The following NPFFR2 variants were observed in gnomAD, a reference collection of about 807,000 sequenced individuals.
The protein encoded by NPFFR2 is G-protein coupled receptor 74.
NPFFR2 carries 15 observed loss-of-function variants against 13.1 expected under a neutral mutation model. The ratio of observed to expected loss-of-function variants is 1.15; its 90% CI spans 0.77 to 1.76. The LOEUF (loss-of-function observed/expected upper bound fraction) is 1.76, where lower values mean the gene tolerates loss of function less well. NPFFR2 is among the 40% of genes most tolerant of loss of function. NPFFR2 has a pLI of 0.00. For synonymous variants in NPFFR2, 190 were observed against 175.7 expected, an observed-to-expected ratio of 1.08 and a Z score of -0.65; for missense variants, 572 against 503.5, an observed-to-expected ratio of 1.14 and a Z score of -1.30.
intron 1 of NPFFR2, among the ~76,000 whole-genome samples, chr4:72,079,077 C>T (rs1193913611): frequency 6.9e-6 from 1 of 144,860 alleles, no homozygotes; most frequent in Non-Finnish European, 1.5e-5. Context: ...CACACACACA[C>T]ACACACACAC....
chr4:72,134,315 A>G lies in NPFFR2; in HGVS notation c.329-3725A>G, dbSNP rs954133135. Among the ~76,000 whole-genome samples the G allele has an allele frequency of 5.3e-5, 8 of 152,294 alleles. No individual in the cohort carries two copies. The East Asian group carries it at 1.4e-3, about 26-fold the overall frequency. ...TCTTTAGCTCTTTGTTTGCCTTCTCAGGAGGCAGCCACCTTCAGCAATTTT... is the reference window on the plus strand; with the variant it reads ...TCTTTAGCTCTTTGTTTGCCTTCTCGGGAGGCAGCCACCTTCAGCAATTTT... On this transcript the variant is annotated intron_variant, in intron 2 of 3. Transcript: ENST00000308744.
At chr4:72,081,488 A>AT (rs757652179) in intron 1 of NPFFR2, among the ~76,000 whole-genome samples, 830 of 81,192 alleles carry the variant, frequency 0.01, 7 homozygotes, top group African/African-American at 0.028. Flanking sequence ...TGATTTAAGA[A>AT]TTGTTTTTTT....
chr4:72,039,641 C>G (rs1719150020), intron 1 of NPFFR2, among the ~76,000 whole-genome samples: 1 of 152,126 alleles, frequency 6.6e-6, no homozygotes, highest in Non-Finnish European at 1.5e-5. Context: ...TAATAAGAAA[C>G]AAATTCAACC....
At chr4:72,124,039 T>C (rs1721968038) in intron 1 of NPFFR2, among the ~76,000 whole-genome samples, 1 of 152,220 alleles carries the variant, frequency 6.6e-6, no homozygotes, top group Non-Finnish European at 1.5e-5. Context: ...CAAAATCTCC[T>C]TAAGCTGATA....
intron 1 of NPFFR2, among the ~76,000 whole-genome samples, chr4:72,079,260 T>TA (rs955000233): frequency 1.2e-4 from 18 of 151,794 alleles, no homozygotes; most frequent in African/African-American, 1.5e-4. Flanking sequence ...AATAAAATGT[T>TA]AAAAAAAAGC....
chr4:72,102,909 G>A (rs62320808), intron 1 of NPFFR2, among the ~76,000 whole-genome samples: 2,416 of 151,548 alleles, frequency 0.016, 79 homozygotes, highest in African/African-American at 0.056. Context: ...GCTGGGTCAA[G>A]TGGTATTTCT....
rs1719142993 is a variant in NPFFR2, at chr4:72,039,418, C to T, written c.-8+7218C>T. 13 of 983,212 alleles carry T rather than the reference C, an allele frequency of 1.3e-5. No individual in the cohort carries two copies. In the South Asian group the frequency reaches 6.1e-4, roughly 46 times the overall value. 60.9% of individuals were successfully genotyped at this position (983,212 alleles called of 1,614,324 possible). On this transcript the variant is annotated intron_variant, in intron 1 of 3. Coordinates refer to ENST00000308744, the MANE Select transcript of NPFFR2 (RefSeq NM_004885.3). ...TCTTCTGCTTCCATATTACAGGTAA[C>T]CAATCTTAATTGGGTTCTATTATGT... is the stretch of plus-strand genomic sequence containing the variant.
chr4:72,073,220 CCAAGAA>C (rs1160261994), intron 1 of NPFFR2, among the ~76,000 whole-genome samples: 1 of 151,912 alleles, frequency 6.6e-6, no homozygotes, highest in Non-Finnish European at 1.5e-5. Flanking sequence ...GTTTGTAACA[CCAAGAA>C]TAAGTGCTTT....
intron 3 of NPFFR2, among the ~76,000 whole-genome samples, chr4:72,142,802 C>G (rs1243495132): frequency 6.6e-6 from 1 of 152,164 alleles, no homozygotes; most frequent in African/African-American, 2.4e-5. Flanking sequence ...CATTCATTCA[C>G]ACATGTTGTT....
intron 1 of NPFFR2, among the ~76,000 whole-genome samples, chr4:72,070,429 G>T (rs1050342114): frequency 6.6e-6 from 1 of 152,038 alleles, no homozygotes; most frequent in East Asian, 1.9e-4. Context: ...AATGAGGAGG[G>T]TCACATACAT....
chr4:72,068,869 C>A, intron 1 of NPFFR2: 1 of 445,816 alleles, frequency 2.2e-6, no homozygotes, highest in Non-Finnish European at 3.9e-6. Context: ...ATCTTTTTTC[C>A]TGCATGGCTC....
At chr4:72,065,678 C>G (rs966204811) in intron 1 of NPFFR2, among the ~76,000 whole-genome samples, 11 of 152,130 alleles carry the variant, frequency 7.2e-5, no homozygotes, top group African/African-American at 2.7e-4. Context: ...TTCCTAGTCC[C>G]ATTTTCTTCT....
intron 1 of NPFFR2, among the ~76,000 whole-genome samples, chr4:72,034,650 T>A (rs1027266802): frequency 6.6e-6 from 1 of 152,260 alleles, no homozygotes; most frequent in Non-Finnish European, 1.5e-5. Flanking sequence ...ATGAATTTTA[T>A]GCTTACCATT....
chr4:72,043,380 C>A (rs1439996332), intron 1 of NPFFR2, among the ~76,000 whole-genome samples: 1 of 152,170 alleles, frequency 6.6e-6, no homozygotes, highest in African/African-American at 2.4e-5. Context: ...GTCTTCTAGA[C>A]CTCAAAATGG....
intron 1 of NPFFR2, among the ~76,000 whole-genome samples, chr4:72,046,759 T>C (rs1335016263): frequency 1.3e-5 from 2 of 151,982 alleles, no homozygotes; most frequent in African/African-American, 2.4e-5. Context: ...TGGTAAGGGG[T>C]CCAAACAAGA....
At chr4:72,128,991 G>T in intron 2 of NPFFR2, 72 bp downstream of exon 2, 1 of 1,168,708 alleles carries the variant, frequency 8.6e-7, no homozygotes. Context: ...CATTGGCAGG[G>T]CTGTTCATTC....
chr4:72,094,378 G>C lies in NPFFR2; in HGVS notation c.-7-34207G>C, dbSNP rs541418591. Among the ~76,000 whole-genome samples the C allele has an allele frequency of 2.0e-5, 3 of 152,298 alleles. No individual in the cohort carries two copies. In the South Asian group the frequency reaches 6.2e-4, roughly 32 times the overall value. On this transcript the variant is annotated intron_variant, in intron 1 of 3. Transcript: ENST00000308744. ...AGTAGTATAGGGAGGATACAAGCTT[G>C]GCCTAGGATCAGGCGGTGTGTGGGG...
At chr4:72,094,603 G>C (rs576920188) in intron 1 of NPFFR2, among the ~76,000 whole-genome samples, 8 of 152,252 alleles carry the variant, frequency 5.3e-5, no homozygotes, top group Admixed American at 5.2e-4. Flanking sequence ...AGGGAAGTAG[G>C]GGAAAGCCGG....
chr4:72,122,078 C>CA (rs927448223), intron 1 of NPFFR2, among the ~76,000 whole-genome samples: 3,312 of 142,460 alleles, frequency 0.023, 76 homozygotes, highest in African/African-American at 0.059. Context: ...AAATGAAAAG[C>CA]AAAAAAAAAA....
Sources: gnomAD v4.1 joint callset for allele counts (sites outside exome capture counted in the v4.1 genomes callset) on GRCh38, gnomAD v4.1.1 for gene constraint, MANE v1.5 for transcripts, NCBI Gene and HGNC (gene_info 2026-07-23, HGNC 2026-07-21) for gene names.